SDK2: variants seen among roughly 807,000 people sequenced by gnomAD.
The protein encoded by SDK2 is protein sidekick-2.
SDK2 carries 105 observed loss-of-function variants against 253.9 expected under a neutral mutation model. That is an observed-to-expected ratio of 0.41 (90% CI 0.35 to 0.49). The LOEUF (loss-of-function observed/expected upper bound fraction) is 0.49. Ranked by LOEUF, SDK2 falls within the 20% of genes least tolerant of loss-of-function variation. SDK2 has a pLI of 0.06. For synonymous variants in SDK2, 1,249 were observed against 1,234.9 expected (o/e 1.01, Z -0.24); for missense variants, 2,608 against 3,003.0 (o/e 0.87, Z 3.07).
At chr17:73,408,065 C>CTTTTTTTTTT (rs2063094795) in intron 18 of SDK2, among the ~76,000 whole-genome samples, 1 of 128,890 alleles carries the variant, frequency 7.8e-6, no homozygotes, top group Admixed American at 8.6e-5. Context: ...TTTTTTTTTT[C>CTTTTTTTTTT]TTTTGAGACA....
At chr17:73,464,246 C>T (rs1464285186) in intron 3 of SDK2, among the ~76,000 whole-genome samples, 3 of 152,118 alleles carry the variant, frequency 2.0e-5, no homozygotes, top group Non-Finnish European at 4.4e-5. Context: ...CAGGACCAGG[C>T]GGAGATAATT....
At chr17:73,638,091 T>C (rs1156339241) in intron 1 of SDK2, among the ~76,000 whole-genome samples, 2 of 152,254 alleles carry the variant, frequency 1.3e-5, no homozygotes, top group Non-Finnish European at 2.9e-5. Context: ...GCATGGGGTG[T>C]GCTGGATGTA....
At chr17:73,402,249 T>C in intron 18 of SDK2, 108 bp from the exon 19 acceptor site, 1 of 1,196,172 alleles carries the variant, frequency 8.4e-7, no homozygotes, top group South Asian at 1.4e-5. Context: ...GGGACCGGAG[T>C]CCCTGTGGTG....
chr17:73,545,228 G>T (rs1226715476), intron 1 of SDK2, among the ~76,000 whole-genome samples: 1 of 151,992 alleles, frequency 6.6e-6, no homozygotes, highest in African/African-American at 2.4e-5. Flanking sequence ...GGAGTGAACT[G>T]CAGGGAGCTT....
At chr17:73,533,432 C>A (rs2064186557) in intron 1 of SDK2, among the ~76,000 whole-genome samples, 1 of 152,224 alleles carries the variant, frequency 6.6e-6, no homozygotes, top group Admixed American at 6.5e-5. Flanking sequence ...GCCAGCCACA[C>A]AGGTTTGTGT....
intron 1 of SDK2, among the ~76,000 whole-genome samples, chr17:73,578,206 C>T (rs1468464751): frequency 2.0e-5 from 3 of 152,050 alleles, no homozygotes; most frequent in African/African-American, 7.2e-5. Context: ...ATTACAGGCA[C>T]ACACCACCAT....
chr17:73,643,978 C>CCCCCA lies in SDK2; in HGVS notation c.64+46_64+47insTGGGG. 2.0e-5 allele frequency: 25 copies of CCCCCA among 1,223,386 alleles called. No homozygotes were observed. Among genetic ancestry groups the CCCCCA allele is most frequent in the East Asian group, 2.6e-5 (1 of 37,934 alleles). 75.8% of individuals were successfully genotyped at this position (1,223,386 alleles called of 1,614,324 possible). A position where few individuals can be genotyped will look rare whatever the true frequency, so the allele number is the denominator to read the frequency against. Reference sequence around the variant, plus strand: ...CAGCTCCCGCCGCCCCTCCCCCGCCCACTCTCCCAGCCCCCTCCCTGTCCC... The same window carrying CCCCCA: ...CAGCTCCCGCCGCCCCTCCCCCGCCCCCCCAACTCTCCCAGCCCCCTCCCTGTCCC... On this transcript the variant is annotated intron_variant, in intron 1 of 44. Coordinates refer to ENST00000392650, the MANE Select transcript of SDK2 (RefSeq NM_001144952.2). This position sits in a 1 kb window ranked among gnomAD's most constrained non-coding sequence, Gnocchi z 6.9.
At chr17:73,473,994 G>C (rs911439102) in intron 2 of SDK2, among the ~76,000 whole-genome samples, 1 of 151,982 alleles carries the variant, frequency 6.6e-6, no homozygotes, top group South Asian at 2.1e-4. Flanking sequence ...CAGCATAAAG[G>C]CATTTTAAAA....
At chr17:73,600,003 T>C (rs931829215) in intron 1 of SDK2, among the ~76,000 whole-genome samples, 3 of 152,264 alleles carry the variant, frequency 2.0e-5, no homozygotes, top group Non-Finnish European at 4.4e-5. Flanking sequence ...AAAGTGATAC[T>C]GAACCCGTAG....
intron 1 of SDK2, among the ~76,000 whole-genome samples, chr17:73,545,099 G>GCGCACACACACACACACACA (rs147498499): frequency 1.9e-4 from 27 of 145,818 alleles, no homozygotes; most frequent in East Asian, 1.4e-3. Context: ...GCACGTGCAC[G>GCGCACACACACACACACACA]CACACACACA....
In SDK2 at chr17:73,462,695, A is replaced by G. The variant is rs531940583; in HGVS notation, c.332-6642T>C. On this transcript the variant is annotated intron_variant, in intron 3 of 44. Transcript: ENST00000392650. ...TGGAAGGATGGTTGTATGTATGCAT[A>G]CACGTAAGTTTATATGGTGAGGTGG... 1.4e-3 allele frequency among the ~76,000 whole-genome samples: 207 copies of G among 152,236 alleles called. 2 individuals carry two copies. The highest frequency in any genetic ancestry group is 1.0e-3 in the Non-Finnish European group (68 of 68,008).
At chr17:73,506,489 CCG>C (rs2145758160) in intron 2 of SDK2, among the ~76,000 whole-genome samples, 1 of 152,286 alleles carries the variant, frequency 6.6e-6, no homozygotes, top group East Asian at 1.9e-4. Context: ...ACTCTGGCCT[CCG>C]CACTCCCTAA....
At chr17:73,555,633 A>T (rs558038378) in intron 1 of SDK2, among the ~76,000 whole-genome samples, 1 of 152,286 alleles carries the variant, frequency 6.6e-6, no homozygotes, top group Non-Finnish European at 1.5e-5. Context: ...CTCTGCCTCA[A>T]TGTCCCGGAG....
intron 2 of SDK2, among the ~76,000 whole-genome samples, chr17:73,485,031 A>C (rs949805909): frequency 6.6e-6 from 1 of 152,146 alleles, no homozygotes; most frequent in Non-Finnish European, 1.5e-5. Flanking sequence ...AGCTGAACCA[A>C]TTACCTCTGC....
intron 3 of SDK2, among the ~76,000 whole-genome samples, chr17:73,456,704 G>A (rs2063527998): frequency 1.3e-5 from 2 of 152,194 alleles, no homozygotes; most frequent in East Asian, 3.9e-4. Context: ...CACTGCCTTG[G>A]CAGATAAGGA....
At chr17:73,377,866 C>A (rs1056178750) in intron 36 of SDK2, among the ~76,000 whole-genome samples, 1 of 152,176 alleles carries the variant, frequency 6.6e-6, no homozygotes, top group Non-Finnish European at 1.5e-5. Context: ...CCCGCCTTGG[C>A]CTCCCAAAGT....
rs1331618453 is a variant in SDK2, at chr17:73,379,676, G to A, written c.4763-127C>T. ...CCCCCGCCATTCTAGCCCCCTCTGT[G>A]AAGGTGCATGAAGGAGGAGGTGAGA... On this transcript the variant is annotated intron_variant, in intron 34 of 44. Transcript: ENST00000392650. The surrounding 1 kb of genome is among the most constrained non-coding windows in gnomAD (Gnocchi z 4.5). The A allele has an allele frequency of 3.3e-5, 21 of 629,170 alleles. No homozygotes were observed. 39.0% of individuals were successfully genotyped at this position (629,170 alleles called of 1,614,324 possible). A position where few individuals can be genotyped will look rare whatever the true frequency, so the allele number is the denominator to read the frequency against.
rs534997161 is a variant in SDK2, at chr17:73,471,148, GC to G, written c.331+963del. Among the ~76,000 whole-genome samples the G allele has an allele frequency of 5.3e-5, 8 of 152,164 alleles. No homozygotes were observed. In the South Asian group the frequency reaches 1.7e-3, roughly 32 times the overall value. ...GTGAGGGCCTCCCACTTCACTCTCT[GC>G]CCCCCAGCCTTTCTGGGAACCCTGA... On this transcript the variant is annotated intron_variant, in intron 3 of 44. Transcript: ENST00000392650.
chr17:73,608,732 T>C (rs1472453635), intron 1 of SDK2, among the ~76,000 whole-genome samples: 1 of 152,166 alleles, frequency 6.6e-6, no homozygotes, highest in Non-Finnish European at 1.5e-5. Flanking sequence ...TGTGAGCCAC[T>C]GTGCCAGGCC....
Sources: gnomAD v4.1 joint callset for allele counts (sites outside exome capture counted in the v4.1 genomes callset) on GRCh38, gnomAD v4.1.1 for gene constraint, Gnocchi (gnomAD v3.1) non-coding constraint, MANE v1.5 for transcripts, NCBI Gene and HGNC (gene_info 2026-07-23, HGNC 2026-07-21) for gene names.